The following SPACA1 variants were observed in gnomAD, a reference collection of about 807,000 sequenced individuals.
SPACA1 encodes sperm acrosome membrane-associated protein 1.
Under a neutral mutation model 32.6 loss-of-function variants are expected in SPACA1, and 17 were observed. The ratio of observed to expected loss-of-function variants is 0.52; its 90% confidence interval spans 0.36 to 0.78. The LOEUF is 0.78. Among genes scored for constraint, SPACA1 ranks in the 30% least tolerant of loss-of-function variants. The pLI is 0.01. For missense variants in SPACA1, 363 were observed against 373.4 expected, an observed-to-expected ratio of 0.97 and a Z score of 0.23; for synonymous variants, 140 against 138.1, an observed-to-expected ratio of 1.01 and a Z score of -0.10.
upstream of SPACA1, chr6:88,047,772 T>C (rs1430911640): frequency 1.5e-5 from 13 of 877,710 alleles, no homozygotes; most frequent in Admixed American, 5.8e-5. Flanking sequence ...CCGGCAACCA[T>C]TGAGGCGTCA....
At chr6:88,056,214 C>T (rs185366379) in intron 2 of SPACA1, among the ~76,000 whole-genome samples, 50 of 151,678 alleles carry the variant, frequency 3.3e-4, no homozygotes, top group Middle Eastern at 3.4e-3. Context: ...ATTAGCTGGG[C>T]GTAGTGGCAC....
chr6:88,060,799 C>A (rs1238081570), intron 5 of SPACA1, among the ~76,000 whole-genome samples: 1 of 152,192 alleles, frequency 6.6e-6, no homozygotes, highest in Non-Finnish European at 1.5e-5. Flanking sequence ...TATCTCGTCC[C>A]TGTTAGGACA....
At chr6:88,065,758 G>T (rs2127802881) in intron 6 of SPACA1, among the ~76,000 whole-genome samples, 1 of 148,202 alleles carries the variant, frequency 6.7e-6, no homozygotes, top group African/African-American at 2.5e-5. Flanking sequence ...TTCCTGAGTA[G>T]GTATAGTCAT....
chr6:88,059,140 T>G (rs1582273039), intron 4 of SPACA1, among the ~76,000 whole-genome samples: 1 of 152,230 alleles, frequency 6.6e-6, no homozygotes, highest in Admixed American at 6.5e-5. Context: ...TAATTAAGGG[T>G]TTATTAAGTG....
Position 88,061,484 on chromosome 6 carries a change from G to A in SPACA1, c.610+1896G>A, listed in dbSNP as rs144084422. Among the ~76,000 whole-genome samples, 67 of 151,818 alleles carry A rather than the reference G, an allele frequency of 4.4e-4. 1 individual carries two copies. In the East Asian group the frequency reaches 0.01, roughly 23 times the overall value. On this transcript the variant is annotated intron_variant, in intron 5 of 6. Transcript: ENST00000237201. ...CAAACACAGATGGAAAGTGGGGCGC[G>A]GAATGCCAGGTGAAGACACAGAGAA... is the stretch of plus-strand genomic sequence containing the variant.
chr6:88,051,175 T>C (rs998080758), intron 1 of SPACA1, among the ~76,000 whole-genome samples: 2 of 152,056 alleles, frequency 1.3e-5, no homozygotes, highest in African/African-American at 4.8e-5. Flanking sequence ...TAGATTTATA[T>C]CCTTATACTT....
intron 5 of SPACA1, among the ~76,000 whole-genome samples, chr6:88,062,537 CT>C (rs1775912368): frequency 6.6e-6 from 1 of 152,122 alleles, no homozygotes; most frequent in Non-Finnish European, 1.5e-5. Context: ...TGTTAATTGG[CT>C]TTTTACTAGT....
chr6:88,058,318 T>C (rs1017790543), intron 3 of SPACA1, among the ~76,000 whole-genome samples: 3 of 152,194 alleles, frequency 2.0e-5, no homozygotes, highest in Non-Finnish European at 4.4e-5. Context: ...TTTGATAACT[T>C]CCAGCATATA....
chr6:88,065,701 C>T (rs963294232), intron 6 of SPACA1, among the ~76,000 whole-genome samples: 2 of 150,614 alleles, frequency 1.3e-5, no homozygotes, highest in Non-Finnish European at 3.0e-5. Context: ...GTCCCAGACC[C>T]CCCACCCCTG....
At chr6:88,052,584 C>T (rs750042905) in intron 1 of SPACA1, among the ~76,000 whole-genome samples, 1 of 152,106 alleles carries the variant, frequency 6.6e-6, no homozygotes, top group Non-Finnish European at 1.5e-5. Context: ...TTCCTGTAAT[C>T]CCAGCACTTT....
chr6:88,063,498 A>T (rs1325791275), intron 5 of SPACA1, among the ~76,000 whole-genome samples: 5 of 152,194 alleles, frequency 3.3e-5, no homozygotes, highest in Admixed American at 6.5e-5. Context: ...AGTCAGAGCT[A>T]ATCTATGGTG....
upstream of SPACA1, among the ~76,000 whole-genome samples, chr6:88,047,180 GAGTA>G (rs1163157494): frequency 1.3e-5 from 2 of 152,134 alleles, no homozygotes; most frequent in Non-Finnish European, 2.9e-5. Context: ...ACTGATCATC[GAGTA>G]AGTAAGTGTT....
intron 2 of SPACA1, among the ~76,000 whole-genome samples, chr6:88,057,167 CAATT>C (rs1287688355): frequency 1.9e-4 from 29 of 152,100 alleles, no homozygotes; most frequent in African/African-American, 6.3e-4. Flanking sequence ...AAAATACTGC[CAATT>C]AATTTATGAC....
At chr6:88,061,729 C>CAA (rs34763569) in intron 5 of SPACA1, among the ~76,000 whole-genome samples, 53,419 of 151,806 alleles carry the variant, frequency 0.35, 9,614 homozygotes, top group Middle Eastern at 0.4. Context: ...CTGTTGTTTT[C>CAA]GTCACCCAGT....
At chr6:88,050,753 T>A (rs1775715657) in intron 1 of SPACA1, among the ~76,000 whole-genome samples, 1 of 152,288 alleles carries the variant, frequency 6.6e-6, no homozygotes, top group South Asian at 2.1e-4. Context: ...CTTTCATTTT[T>A]AAATTTTAGT....
intron 4 of SPACA1, 110 bp from the exon 5 acceptor site, chr6:88,059,343 A>T: frequency 1.0e-6 from 1 of 959,356 alleles, no homozygotes; most frequent in South Asian, 2.0e-5. Flanking sequence ...TAATTACTCA[A>T]CTAGGCTAAG....
At chr6:88,056,467 T>C (rs1775809019) in intron 2 of SPACA1, among the ~76,000 whole-genome samples, 1 of 152,224 alleles carries the variant, frequency 6.6e-6, no homozygotes, top group Non-Finnish European at 1.5e-5. Context: ...GTTTCGTATG[T>C]AGCCTTCTCC....
rs541510227 is a variant in SPACA1, at chr6:88,063,195, C to T, written c.611-904C>T. On this transcript the variant is annotated intron_variant, in intron 5 of 6. Coordinates refer to ENST00000237201, the MANE Select transcript of SPACA1 (RefSeq NM_030960.3). Reference sequence around the variant, plus strand: ...AACACACATCTGTCTACCCTACGACCCAGCAATTCTATTATTAGACATTTA... The same window carrying T: ...AACACACATCTGTCTACCCTACGACTCAGCAATTCTATTATTAGACATTTA... Among the ~76,000 whole-genome samples, 5 of 152,162 alleles carry T rather than the reference C, an allele frequency of 3.3e-5. No homozygotes were observed. The South Asian group carries it at 1.0e-3, about 32-fold the overall frequency.
rs760663352 is a variant in SPACA1, at chr6:88,053,183, T to C, written c.209-763T>C. Among the ~76,000 whole-genome samples, 30 of 152,214 alleles carry C rather than the reference T, an allele frequency of 2.0e-4. 1 individual carries two copies. The highest frequency in any genetic ancestry group is 8.8e-5 in the Non-Finnish European group (6 of 68,036). ...ATAGAAGCAGCTCTTTGGACTCCAG[T>C]TCGATGTGTTTTCCATGCGATTTGT... On this transcript the variant is annotated intron_variant, in intron 1 of 6. Transcript: ENST00000237201.
Sources: allele counts gnomAD v4.1 joint callset (sites outside exome capture counted in the v4.1 genomes callset), GRCh38; gene constraint gnomAD v4.1.1; transcripts MANE v1.5; gene names NCBI Gene and HGNC (gene_info 2026-07-23, HGNC 2026-07-21).